The following TJP1 variants were observed in gnomAD, a reference collection of about 807,000 sequenced individuals.
TJP1 encodes the protein tight junction protein 1.
Under a neutral mutation model 194.2 loss-of-function variants are expected in TJP1, and 43 were observed. That is an observed-to-expected ratio of 0.22 (90% CI 0.17 to 0.29). The LOEUF (loss-of-function observed/expected upper bound fraction) is 0.29, where lower values mean the gene tolerates loss of function less well. Among genes scored for constraint, TJP1 ranks in the 10% least tolerant of loss-of-function variants. TJP1 has a pLI of 1.00. For synonymous variants in TJP1, 801 were observed against 779.0 expected (o/e 1.03, Z -0.47); for missense variants, 1,971 against 2,185.7 (o/e 0.90, Z 1.96).
intron 2 of TJP1, among the ~76,000 whole-genome samples, chr15:29,891,093 G>T (rs2053292108): frequency 6.6e-6 from 1 of 152,218 alleles, no homozygotes. Context: ...ATGAAGTCAG[G>T]AGCTGGAAGC....
intron 1 of TJP1, among the ~76,000 whole-genome samples, chr15:29,804,078 G>A (rs538403435): frequency 6.6e-6 from 1 of 151,500 alleles, no homozygotes; most frequent in South Asian, 2.1e-4. Context: ...TTTAAATGAT[G>A]GACCATGTCA....
intron 16 of TJP1, among the ~76,000 whole-genome samples, 189 bp from the exon 17 acceptor site, chr15:29,727,180 C>T (rs1416398277): frequency 6.6e-6 from 1 of 151,982 alleles, no homozygotes; most frequent in Non-Finnish European, 1.5e-5. Flanking sequence ...TCTATCTCTA[C>T]TAAAAATACA....
Position 29,733,261 on chromosome 15 carries a change from G to C in TJP1, c.1569C>G (p.Thr523=), listed in dbSNP as rs749856366. The C allele has an allele frequency of 6.2e-7, 1 of 1,613,812 alleles. No individual in the cohort carries two copies. The highest frequency in any genetic ancestry group is 8.5e-7 in the Non-Finnish European group (1 of 1,179,860). Residue 523 remains threonine, a synonymous_variant, in exon 13 of 28, where the codon ACC becomes ACG. Coordinates refer to ENST00000614355, the MANE Select transcript of TJP1 (RefSeq NM_001330239.4). ...SDVGDSFYIR[T]HFEYEKESPY... ...GAGATTCCTTTTCATATTCAAAATG[G>C]GTTCTAATATAGAAAGAATCTCCTA...
At chr15:29,876,541 AT>A (rs528748624) in intron 2 of TJP1, among the ~76,000 whole-genome samples, 2,927 of 151,042 alleles carry the variant, frequency 0.019, 42 homozygotes, top group Non-Finnish European at 0.021. Context: ...AAAATATGAG[AT>A]TTTTTTTGTG....
chr15:29,944,419 G>A (rs910720119), intron 2 of TJP1, among the ~76,000 whole-genome samples: 7 of 152,056 alleles, frequency 4.6e-5, no homozygotes, highest in African/African-American at 1.7e-4. Flanking sequence ...TCACAATTTT[G>A]ACCTAGTGAA....
intron 1 of TJP1, among the ~76,000 whole-genome samples, chr15:29,959,299 T>C (rs1410522823): frequency 6.6e-6 from 1 of 152,154 alleles, no homozygotes; most frequent in African/African-American, 2.4e-5. Context: ...CTGTATCTAG[T>C]ATTTTTTTAA....
At chr15:29,881,538 A>C (rs539088176) in intron 2 of TJP1, among the ~76,000 whole-genome samples, 1 of 152,310 alleles carries the variant, frequency 6.6e-6, no homozygotes, top group Admixed American at 6.5e-5. Flanking sequence ...TTACCTTGAT[A>C]GATACTTTAT....
At chr15:29,887,253 TATATATAATATAAATATATAC>T (rs973846962) in intron 2 of TJP1, among the ~76,000 whole-genome samples, 11 of 148,210 alleles carry the variant, frequency 7.4e-5, no homozygotes, top group South Asian at 4.2e-4. Flanking sequence ...ATATATTGTA[TATATATAATATAAATATATAC>T]ATATATAATA....
chr15:29,850,223 C>T (rs1299220485), intron 2 of TJP1, among the ~76,000 whole-genome samples: 1 of 152,230 alleles, frequency 6.6e-6, no homozygotes, highest in Non-Finnish European at 1.5e-5. Flanking sequence ...TTGACTGCAA[C>T]TTCACAAGAA....
rs188748225 is a variant in TJP1, at chr15:29,857,484, C to G, written c.307-56782G>C. On this transcript the variant is annotated intron_variant, in intron 2 of 28. Coordinates refer to the TJP1 transcript ENST00000356107. ...ATTCTTTCTCTTATATTACGTGGAT[C>G]GGGCCTCAAGCCTTGGTCATCTTTC... 3.3e-3 allele frequency among the ~76,000 whole-genome samples: 505 copies of G among 152,198 alleles called. 1 individual carries two copies. Among genetic ancestry groups the G allele is most frequent in the African/African-American group, 0.012 (483 of 41,552 alleles).
chr15:29,829,499 C>A (rs963618985), intron 2 of TJP1, among the ~76,000 whole-genome samples: 5 of 152,104 alleles, frequency 3.3e-5, no homozygotes, highest in African/African-American at 1.2e-4. Flanking sequence ...TCCTCATGCT[C>A]ACCTTTATGA....
intron 1 of TJP1, among the ~76,000 whole-genome samples, chr15:29,801,504 C>A (rs1413366760): frequency 6.7e-6 from 1 of 149,080 alleles, no homozygotes; most frequent in African/African-American, 2.5e-5. Flanking sequence ...CTCTGTCGCC[C>A]AGGCTGGAGT....
In TJP1 at chr15:29,761,274, A is replaced by G. The variant is rs2045990152; in HGVS notation, c.875T>C (p.Ile292Thr). ...AGAATGATCTGATGCCAGTGACTGA[A>G]TTTCTGAAATGTCTGTTAATAAAAG... ...NASERDDISE[I>T]QSLASDHSGR... is the part of the protein sequence containing the mutation. Residue 292 changes from isoleucine (I) to threonine (T), a missense_variant, in exon 8 of 28, where the codon ATT becomes ACT. Coordinates refer to ENST00000614355, the MANE Select transcript of TJP1 (RefSeq NM_001330239.4). The G allele has an allele frequency of 1.2e-6, 2 of 1,613,754 alleles. No homozygotes were observed. Among genetic ancestry groups the G allele is most frequent in the South Asian group, 1.1e-5 (1 of 91,008 alleles).
At chr15:29,909,949 C>T (rs1200364692) in intron 2 of TJP1, among the ~76,000 whole-genome samples, 1 of 152,198 alleles carries the variant, frequency 6.6e-6, no homozygotes, top group Non-Finnish European at 1.5e-5. Flanking sequence ...AAGTCTTCAT[C>T]ACTTATCTCA....
In TJP1 at chr15:29,965,870, T is replaced by C. The variant is rs1351660589; in HGVS notation, c.173+2797A>G. The stretch of plus-strand genomic sequence containing the variant: ...TGCCGCTGTAGAATCAGATGAATGT[T>C]TGCAAGTTAACAATGAGTGGAAATT... On this transcript the variant is annotated intron_variant, in intron 1 of 28. Coordinates refer to the TJP1 transcript ENST00000356107. 2.0e-5 allele frequency among the ~76,000 whole-genome samples: 3 copies of C among 152,280 alleles called. No homozygotes were observed. The East Asian group carries it at 5.8e-4, about 29-fold the overall frequency.
Position 29,718,579 on chromosome 15 carries a change from G to T in TJP1, c.3563C>A (p.Ser1188Tyr), listed in dbSNP as rs1284218916. 8 of 1,614,030 alleles carry T rather than the reference G, an allele frequency of 5.0e-6. No homozygotes were observed. Among genetic ancestry groups the T allele is most frequent in the Non-Finnish European group, 5.1e-6 (6 of 1,180,034 alleles). ...TGAATATTGCTCAAAATACTGCTTGGACTCTGCAGGCTTGGGCCCTGCTGA... is the reference window on the plus strand; with the variant it reads ...TGAATATTGCTCAAAATACTGCTTGTACTCTGCAGGCTTGGGCCCTGCTGA... Reference protein sequence around the residue: ...HPSAGPKPAESKQYFEQYSRS... With the variant: ...HPSAGPKPAEYKQYFEQYSRS... The change falls in exon 21 of 28, where the codon TCC (serine) becomes TAC (tyrosine). Residue 1188 changes from serine to tyrosine, a missense_variant. Transcript: ENST00000614355.
intron 2 of TJP1, among the ~76,000 whole-genome samples, chr15:29,848,516 G>T (rs770374401): frequency 2.0e-5 from 3 of 152,216 alleles, no homozygotes; most frequent in Non-Finnish European, 2.9e-5. Context: ...AGTAGTAACA[G>T]AGGAAGTTGA....
chr15:29,828,999 G>A (rs1253781273), intron 2 of TJP1, among the ~76,000 whole-genome samples: 1 of 151,972 alleles, frequency 6.6e-6, no homozygotes, highest in Admixed American at 6.6e-5. Context: ...GTGATCCACC[G>A]CCTTGGCCTC....
At chr15:29,778,531 A>C (rs2047159286) in intron 2 of TJP1, among the ~76,000 whole-genome samples, 1 of 152,038 alleles carries the variant, frequency 6.6e-6, no homozygotes, top group African/African-American at 2.4e-5. Context: ...CTGCACTACA[A>C]GTGTTGGCAG....
Sources: allele counts gnomAD v4.1 joint callset (sites outside exome capture counted in the v4.1 genomes callset), GRCh38; gene constraint gnomAD v4.1.1; transcripts MANE v1.5; gene names NCBI Gene and HGNC (gene_info 2026-07-23, HGNC 2026-07-21).